C5orf34: variants seen among roughly 807,000 people sequenced by gnomAD.
C5orf34 encodes chromosome 5 open reading frame 34.
Under a neutral mutation model 78.4 loss-of-function variants are expected in C5orf34, and 73 were observed. The observed-to-expected ratio is 0.93, with a 90% CI of 0.77 to 1.13. C5orf34 has a LOEUF of 1.13. Ranked by LOEUF, C5orf34 falls within the 50% of genes most tolerant of loss-of-function variation. The pLI is 0.00. For missense variants in C5orf34, 730 were observed against 732.7 expected (o/e 1.00, Z 0.04); for synonymous variants, 251 against 246.6 (o/e 1.02, Z -0.17).
intron 6 of C5orf34, chr5:43,495,622 G>C (rs1745477323): frequency 3.1e-6 from 5 of 1,605,146 alleles, no homozygotes; most frequent in Non-Finnish European, 4.3e-6. Flanking sequence ...CTGGAGCAAA[G>C]GTGACCACCA....
In C5orf34 at chr5:43,492,803, C is replaced by G. The variant is rs759309101; in HGVS notation, c.1402G>C (p.Asp468His). The G allele has an allele frequency of 6.2e-7, 1 of 1,612,996 alleles. No homozygotes were observed. Among genetic ancestry groups the G allele is most frequent in the Non-Finnish European group, 8.5e-7 (1 of 1,179,338 alleles). ...PSVGRFLAYSDDKVHAIFLDG... is the reference protein window; with the variant it reads ...PSVGRFLAYSHDKVHAIFLDG... Reference sequence around the variant, plus strand: ...AAAAAGATAGCATGTACTTTGTCATCAGAGTAGGCAAGAAATCTTCCCACA... The same window carrying G: ...AAAAAGATAGCATGTACTTTGTCATGAGAGTAGGCAAGAAATCTTCCCACA... The change falls in exon 9 of 13, where the codon GAT becomes CAT. Residue 468 changes from aspartate to histidine, a missense_variant. Asp to His is a moderately conservative substitution (Grantham distance 81, BLOSUM62 -1). Coordinates refer to ENST00000306862, the MANE Select transcript of C5orf34 (RefSeq NM_198566.4).
chr5:43,512,719 T>A (rs1746322212), intron 1 of C5orf34, among the ~76,000 whole-genome samples: 1 of 148,350 alleles, frequency 6.7e-6, no homozygotes, highest in South Asian at 2.1e-4. Flanking sequence ...TTTCATCCCT[T>A]CTTAACATAA....
At chr5:43,496,537 T>C in intron 6 of C5orf34, 8 of 1,193,378 alleles carry the variant, frequency 6.7e-6, no homozygotes, top group Non-Finnish European at 9.1e-6. Flanking sequence ...TTTCCCATTT[T>C]TTAAAAATAT....
Position 43,493,614 on chromosome 5 carries a change from T to C in C5orf34, c.1245-2A>G. The C allele has an allele frequency of 1.3e-6, 2 of 1,554,416 alleles. No homozygotes were observed. Among genetic ancestry groups the C allele is most frequent in the South Asian group, 1.2e-5 (1 of 83,740 alleles). On this transcript the variant is annotated splice_acceptor_variant, in intron 7 of 12. Transcript: ENST00000306862. LOFTEE classifies it high-confidence loss of function. ...ATCTTCACACAATGTTGAAGAATTC[T>C]GTGAACACAAAAAATACTACTTAAA...
intron 1 of C5orf34, among the ~76,000 whole-genome samples, chr5:43,512,120 G>C (rs998161886): frequency 6.6e-6 from 1 of 152,002 alleles, no homozygotes; most frequent in Non-Finnish European, 1.5e-5. Context: ...TTTGTAAAAT[G>C]GGAGTAGTAA....
rs143982974 is a variant in C5orf34, at chr5:43,494,979, C to G, written c.1153-378G>C. The G allele has an allele frequency of 1.7e-4, 170 of 1,014,838 alleles. 1 individual carries two copies. In the African/African-American group the frequency reaches 1.8e-3, roughly 11 times the overall value. The allele number at this position is 1,014,838 out of a possible 1,614,324, so 62.9% of individuals were successfully genotyped here. A position where few individuals can be genotyped will look rare whatever the true frequency, so the allele number is the denominator to read the frequency against. On this transcript the variant is annotated intron_variant, in intron 6 of 12. Transcript: ENST00000306862. ...ATTGTTATCATTAACCAGTCTTTCA[C>G]TACTAAACTTAAATGGCCAATTGAA... is the stretch of plus-strand genomic sequence containing the variant.
At position 43,509,173 on chromosome 5, in the gene C5orf34, C is replaced by T; in HGVS notation, c.167G>A (p.Arg56Lys). ...PLEQPERIRQ[R>K]THFVISTYRE... ...GTAAGTGCTAATGACAAAATGTGTC[C>T]TTTGACGAATTCTTTCTGGTTGTTC... Residue 56 changes from arginine (R) to lysine (K), a missense_variant, in exon 2 of 13, where the codon AGG becomes AAG. Transcript: ENST00000306862. The T allele has an allele frequency of 1.2e-6, 2 of 1,613,342 alleles. No individual in the cohort carries two copies. The highest frequency in any genetic ancestry group is 1.7e-6 in the Non-Finnish European group (2 of 1,179,834).
At chr5:43,496,199 A>T (rs980641119) in intron 6 of C5orf34, 5 of 1,556,208 alleles carry the variant, frequency 3.2e-6, no homozygotes, top group Non-Finnish European at 4.4e-6. Context: ...ATAGTCACAT[A>T]GTACTTGCTG....
rs772495959 is a variant in C5orf34, at chr5:43,486,967, G to T, written c.1865C>A (p.Thr622Asn). 2 of 1,564,672 alleles carry T rather than the reference G, an allele frequency of 1.3e-6. No individual in the cohort carries two copies. Among genetic ancestry groups the T allele is most frequent in the Non-Finnish European group, 1.7e-6 (2 of 1,158,888 alleles). Reference sequence around the variant, plus strand: ...GTCAATATCGTGAAGGATTTCAGAGGTTTTTTTCAATGCTATTGATACTCT... The same window carrying T: ...GTCAATATCGTGAAGGATTTCAGAGTTTTTTTTCAATGCTATTGATACTCT... Reference protein sequence around the residue: ...ENRVSIALKKTSEILHDIDCL... With the variant: ...ENRVSIALKKNSEILHDIDCL... Residue 622 changes from threonine to asparagine, a missense_variant, in exon 13 of 13, where the codon ACC becomes AAC. Transcript: ENST00000306862.
At position 43,509,218 on chromosome 5, in the gene C5orf34, G is replaced by A; in HGVS notation, c.122C>T (p.Pro41Leu). ...GSEFLFEKSP[P>L]VSAHPLEQPE... ...TTGTTCTAAAGGATGTGCTGAAACAGGTGGTGACTTTTCAAATAAAAATTC... is the reference window on the plus strand; with the variant it reads ...TTGTTCTAAAGGATGTGCTGAAACAAGTGGTGACTTTTCAAATAAAAATTC... Residue 41 changes from proline (P) to leucine (L), a missense_variant, in exon 2 of 13, where the codon CCT (proline) becomes CTT (leucine). By Grantham distance (98) the Pro-to-Leu change is moderately conservative (BLOSUM62 -3). Transcript: ENST00000306862. 2 of 1,614,174 alleles carry A rather than the reference G, an allele frequency of 1.2e-6. No individual in the cohort carries two copies. Among genetic ancestry groups the A allele is most frequent in the Non-Finnish European group, 1.7e-6 (2 of 1,180,014 alleles).
intron 12 of C5orf34, 87 bp from the exon 13 acceptor site, chr5:43,487,198 A>T: frequency 1.6e-6 from 1 of 626,328 alleles, no homozygotes; most frequent in East Asian, 3.2e-5. Context: ...TCATATTAAA[A>T]TATTTCTCAG....
intron 2 of C5orf34, 82 bp from the exon 3 acceptor site, chr5:43,508,748 A>T: frequency 4.6e-6 from 4 of 860,832 alleles, no homozygotes; most frequent in Non-Finnish European, 7.6e-6. Context: ...TATAATCCAT[A>T]ATACTAATTA....
chr5:43,505,861 T>G lies in C5orf34; in HGVS notation c.819A>C (p.Ala273=). The part of the protein sequence containing the change: ...NKISNMSKID[A]HITQSRFLTS... Reference sequence around the variant, plus strand: ...TTAAAAATCTACTCTGAGTTATATGTGCATCAATTTTAGACATATTGCTGA... The same window carrying G: ...TTAAAAATCTACTCTGAGTTATATGGGCATCAATTTTAGACATATTGCTGA... The change falls in exon 4 of 13, where the codon GCA becomes GCC. Residue 273 remains alanine (A), a synonymous_variant. Coordinates refer to ENST00000306862, the MANE Select transcript of C5orf34 (RefSeq NM_198566.4). The G allele has an allele frequency of 6.2e-7, 1 of 1,613,888 alleles. No individual in the cohort carries two copies. The highest frequency in any genetic ancestry group is 1.6e-4 in the Middle Eastern group (1 of 6,062).
At chr5:43,503,494 A>G (rs1282343646) in intron 5 of C5orf34, among the ~76,000 whole-genome samples, 171 bp downstream of exon 5, 1 of 152,148 alleles carries the variant, frequency 6.6e-6, no homozygotes, top group African/African-American at 2.4e-5. Context: ...TGTGTGCACT[A>G]ATAACATTAG....
Position 43,509,345 on chromosome 5 carries a change from C to T in C5orf34, c.-6G>A, listed in dbSNP as rs574737927. On this transcript the variant is annotated 5_prime_UTR_variant, in exon 2 of 13. Transcript: ENST00000306862. ...ATTCGCAGTTCAGCTGCCATTACAA[C>T]GGCAGGATAAGATATCTTCTAAGTC... 129 of 1,499,482 alleles carry T rather than the reference C, an allele frequency of 8.6e-5. 1 individual carries two copies. Among genetic ancestry groups the T allele is most frequent in the Admixed American group, 4.9e-4 (23 of 46,768 alleles). 92.9% of individuals were successfully genotyped at this position (1,499,482 alleles called of 1,614,324 possible).
chr5:43,495,835 C>G (rs1745493659), intron 6 of C5orf34: 1 of 1,584,556 alleles, frequency 6.3e-7, no homozygotes, highest in East Asian at 2.2e-5. Context: ...TGAGCCAAGG[C>G]ATGTTAGCAC....
chr5:43,505,390 G>A (rs539249634), intron 4 of C5orf34, among the ~76,000 whole-genome samples: 2 of 152,320 alleles, frequency 1.3e-5, no homozygotes, highest in African/African-American at 4.8e-5. Flanking sequence ...TGGGCCCACA[G>A]AGCCCTGTGC....
intron 6 of C5orf34, among the ~76,000 whole-genome samples, chr5:43,500,099 C>A (rs1381535789): frequency 2.0e-5 from 3 of 152,196 alleles, no homozygotes; most frequent in Non-Finnish European, 4.4e-5. Context: ...TTTTCCCACA[C>A]CCTTCCCAGC....
chr5:43,507,131 A>C (rs1403793148), intron 3 of C5orf34, among the ~76,000 whole-genome samples: 1 of 152,202 alleles, frequency 6.6e-6, no homozygotes, highest in Non-Finnish European at 1.5e-5. Flanking sequence ...CTTAGAGGAA[A>C]CTTTAAAAAA....
Sources: allele counts gnomAD v4.1 joint callset (sites outside exome capture counted in the v4.1 genomes callset), GRCh38; gene constraint gnomAD v4.1.1; transcripts MANE v1.5; gene names NCBI Gene and HGNC (gene_info 2026-07-23, HGNC 2026-07-21).